The following CDKL5 variants were observed in gnomAD, a reference collection of about 807,000 sequenced individuals.
The protein encoded by CDKL5 is cyclin dependent kinase like 5, also known as cyclin-dependent kinase-like 5.
Under a neutral mutation model 61.7 loss-of-function variants are expected in CDKL5, and 8 were observed. The observed-to-expected ratio is 0.13, with a 90% CI of 0.08 to 0.23. CDKL5 has a LOEUF of 0.23. Ranked by LOEUF, CDKL5 falls within the 10% of genes least tolerant of loss-of-function variation. CDKL5 has a pLI of 1.00. For missense variants in CDKL5, 440 were observed against 734.5 expected (o/e 0.60, Z 4.63); for synonymous variants, 275 against 272.3 (o/e 1.01, Z -0.10).
At chrX:18,431,417 T>C (rs1162114850) in intron 1 of CDKL5, among the ~76,000 whole-genome samples, 1 of 109,250 alleles carries the variant, frequency 9.2e-6, no homozygotes, top group African/African-American at 3.3e-5. Context: ...TTTGTTGATT[T>C]CTTTTCTTTT....
chrX:18,535,954 T>A (rs1008394636), intron 3 of CDKL5: 2 of 111,994 alleles, frequency 1.8e-5, no homozygotes, highest in Non-Finnish European at 3.8e-5. Flanking sequence ...CCCTTCTAGT[T>A]ACAGTGCATA....
intron 6 of CDKL5, 26 bp from the exon 7 acceptor site, chrX:18,581,865 A>ATT: frequency 4.1e-6 from 4 of 983,998 alleles, no homozygotes; most frequent in Non-Finnish European, 5.7e-6. Context: ...ATTTTTACTA[A>ATT]TTTTTTTTTT....
chrX:18,627,433 G>C (rs935422320), intron 17 of CDKL5: 1 of 112,091 alleles, frequency 8.9e-6, no homozygotes, highest in Admixed American at 9.4e-5. Flanking sequence ...GCCAAATCCA[G>C]CAGTCATGAT....
chrX:18,507,446 CTTTTTTTTTTTT>C lies in CDKL5; in HGVS notation c.64+294_64+305del, dbSNP rs200439467. Among the ~76,000 whole-genome samples the C allele has an allele frequency of 2.0e-3, 145 of 72,347 alleles. No homozygotes were observed. The South Asian group carries it at 0.029, about 14-fold the overall frequency. 62.8% of individuals were successfully genotyped at this position (72,347 alleles called of 115,157 possible). A position where few individuals can be genotyped will look rare whatever the true frequency, so the allele number is the denominator to read the frequency against. On this transcript the variant is annotated intron_variant, in intron 2 of 17. Coordinates refer to ENST00000623535, the MANE Select transcript of CDKL5 (RefSeq NM_001323289.2). ...TGTTACAACAGTCTTTGCCTTCATTCTTTTTTTTTTTTTTTTTTTAGCAATCATGAGTTCCTT... is the reference window on the plus strand; with the variant it reads ...TGTTACAACAGTCTTTGCCTTCATTCTTTTTTTAGCAATCATGAGTTCCTT...
chrX:18,487,928 AAAATC>A (rs1467450125), intron 1 of CDKL5, among the ~76,000 whole-genome samples: 1 of 111,291 alleles, frequency 9.0e-6, no homozygotes, highest in Non-Finnish European at 1.9e-5. Flanking sequence ...GGGAAGAAAA[AAAATC>A]ACTTCCTAGC....
At chrX:18,618,950 C>T (rs1394881182) in intron 15 of CDKL5, among the ~76,000 whole-genome samples, 2 of 111,019 alleles carry the variant, frequency 1.8e-5, no homozygotes, top group Non-Finnish European at 3.8e-5. Flanking sequence ...GCCTGGGCAA[C>T]AGAGCAAGAC....
intron 13 of CDKL5, among the ~76,000 whole-genome samples, chrX:18,609,125 G>A (rs1208392755): frequency 1.8e-5 from 2 of 111,920 alleles, no homozygotes; most frequent in African/African-American, 6.5e-5. Context: ...GGGCCAGGTG[G>A]CTCACACATG....
chrX:18,583,456 C>T (rs1237943781), intron 7 of CDKL5, among the ~76,000 whole-genome samples: 4 of 111,844 alleles, frequency 3.6e-5, no homozygotes, highest in South Asian at 3.8e-4. Flanking sequence ...TTTTGTTTTA[C>T]GCTGGGATTG....
At chrX:18,646,659 G>C (rs898888385) in intron 20 of CDKL5, among the ~76,000 whole-genome samples, 1 of 111,290 alleles carries the variant, frequency 9.0e-6, no homozygotes, top group Non-Finnish European at 1.9e-5. Flanking sequence ...TCTCCACCTT[G>C]TCTCACTTGT....
intron 3 of CDKL5, chrX:18,536,247 A>G (rs1923820853): frequency 9.1e-6 from 1 of 110,110 alleles, no homozygotes; most frequent in Non-Finnish European, 1.9e-5. Context: ...GTGGTACTCA[A>G]AAACCTCAGT....
In CDKL5 at chrX:18,555,631, T is replaced by G. The variant is rs1156398280; in HGVS notation, c.100-8846T>G. On this transcript the variant is annotated intron_variant, in intron 3 of 17. Coordinates refer to ENST00000623535, the MANE Select transcript of CDKL5 (RefSeq NM_001323289.2). ...TTTTTTTCTGTATATTTGCATGATC[T>G]TTTTTGAACTCCTGTGGCATATCAT... 1.6e-4 allele frequency among the ~76,000 whole-genome samples: 18 copies of G among 112,512 alleles called. No homozygotes were observed. In the Admixed American group the frequency reaches 1.7e-3, roughly 11 times the overall value.
chrX:18,641,360 C>A (rs781291294), downstream of CDKL5: 1 of 113,347 alleles, frequency 8.8e-6, no homozygotes, highest in Non-Finnish European at 1.8e-5. Flanking sequence ...GGGTGGAAGC[C>A]CAGATCCGCC....
In CDKL5 at chrX:18,603,786, G is replaced by A. The variant is rs766448084; in HGVS notation, c.978-116G>A. The stretch of plus-strand genomic sequence containing the variant: ...GTTATTCGAAGGCACATGCTTGAGA[G>A]AATTAATGTTTTTAGTCTTCCAGGT... On this transcript the variant is annotated intron_variant, in intron 11 of 17. Coordinates refer to ENST00000623535, the MANE Select transcript of CDKL5 (RefSeq NM_001323289.2). The A allele has an allele frequency of 5.6e-6, 5 of 893,511 alleles. No individual in the cohort carries two copies. In the African/African-American group the frequency reaches 5.9e-5, roughly 10 times the overall value. 73.6% of individuals were successfully genotyped at this position (893,511 alleles called of 1,213,427 possible).
intron 14 of CDKL5, among the ~76,000 whole-genome samples, chrX:18,610,033 A>T (rs1926496189): frequency 8.9e-6 from 1 of 111,957 alleles, no homozygotes; most frequent in Non-Finnish European, 1.9e-5. Flanking sequence ...AAGTGCTACA[A>T]GGGGGGAAAA....
intron 3 of CDKL5, among the ~76,000 whole-genome samples, chrX:18,560,882 A>G (rs769313445): frequency 8.9e-6 from 1 of 111,803 alleles, no homozygotes; most frequent in East Asian, 2.8e-4. Context: ...GCAGAAAAAA[A>G]GAAGTGATCT....
intron 21 of CDKL5, among the ~76,000 whole-genome samples, chrX:18,651,250 TGTGTGTGTGTGTGTGA>T (rs1461482098): frequency 7.1e-5 from 7 of 98,459 alleles, no homozygotes; most frequent in Non-Finnish European, 1.2e-4. Context: ...TGTGTGTGTG[TGTGTGTGTGTGTGTGA>T]GAGAGAGAGA....
intron 15 of CDKL5, among the ~76,000 whole-genome samples, chrX:18,618,900 T>C (rs1374203911): frequency 1.8e-5 from 2 of 110,843 alleles, no homozygotes; most frequent in Non-Finnish European, 3.8e-5. Context: ...ACCCGGTAGG[T>C]GGAGGTTGCA....
rs150642949 is a variant in CDKL5, at chrX:18,470,962, C to T, written c.-162-35973C>T. ...GAGAGCAGGGACAAGCTGGAAGCTG[C>T]CACACACCTCTGCATTTGTCGTCAC... On this transcript the variant is annotated intron_variant, in intron 1 of 17. Transcript: ENST00000623535. Among the ~76,000 whole-genome samples the T allele has an allele frequency of 2.0e-3, 220 of 111,510 alleles. 4 individuals are homozygous for T. Among genetic ancestry groups the T allele is most frequent in the Non-Finnish European group, 9.2e-4 (49 of 53,113 alleles).
chrX:18,490,167 TTG>T (rs1921941253), intron 1 of CDKL5, among the ~76,000 whole-genome samples: 1 of 111,402 alleles, frequency 9.0e-6, no homozygotes, highest in African/African-American at 3.3e-5. Context: ...TGTTCCTGAG[TTG>T]TATCCTTTAT....
Sources: allele counts gnomAD v4.1 joint callset (sites outside exome capture counted in the v4.1 genomes callset), GRCh38; gene constraint gnomAD v4.1.1; transcripts MANE v1.5; gene names NCBI Gene and HGNC (gene_info 2026-07-23, HGNC 2026-07-21).